The following BBOX1 variants were observed in gnomAD, a reference collection of about 807,000 sequenced individuals.
BBOX1 encodes the protein gamma-butyrobetaine hydroxylase 1, also known as gamma-butyrobetaine dioxygenase.
Under a neutral mutation model 41.6 loss-of-function variants are expected in BBOX1, and 35 were observed. The ratio of observed to expected loss-of-function variants is 0.84; its 90% CI spans 0.64 to 1.11. BBOX1 has a LOEUF of 1.11. Among genes scored for constraint, BBOX1 ranks in the 50% most tolerant of loss-of-function variants. The probability of loss-of-function intolerance (pLI) is 0.00; values close to 1 mark genes in which losing one functional copy is unlikely to be tolerated. For missense variants in BBOX1, 458 were observed against 460.6 expected (o/e 0.99, Z 0.05); for synonymous variants, 163 against 154.7 (o/e 1.05, Z -0.40).
At chr11:27,067,410 A>C (rs775675082) in intron 4 of BBOX1, among the ~76,000 whole-genome samples, 3 of 151,770 alleles carry the variant, frequency 2.0e-5, no homozygotes, top group Non-Finnish European at 4.4e-5. Context: ...AGTCCATTAT[A>C]CCACCACTCT....
rs1385006806 is a variant in BBOX1, at chr11:27,069,822, A to G, written c.334+12507A>G. Among the ~76,000 whole-genome samples the G allele has an allele frequency of 3.3e-5, 5 of 152,166 alleles. No individual in the cohort carries two copies. In the South Asian group the frequency reaches 8.3e-4, roughly 25 times the overall value. On this transcript the variant is annotated intron_variant, in intron 4 of 8. Transcript: ENST00000263182. ...TTTGAGGTACGTTCCTTCAATGCCT[A>G]GTTCATTAGTGGGGGTTACCTAAAG...
chr11:27,101,459 C>T (rs1047693764), intron 5 of BBOX1, among the ~76,000 whole-genome samples: 1 of 152,038 alleles, frequency 6.6e-6, no homozygotes, highest in Non-Finnish European at 1.5e-5. Flanking sequence ...AAAAAGAACC[C>T]TACTAAATAT....
chr11:27,046,767 A>G (rs944190747), intron 2 of BBOX1, among the ~76,000 whole-genome samples: 18 of 152,250 alleles, frequency 1.2e-4, no homozygotes, highest in African/African-American at 3.1e-4. Context: ...AGAGTAGCTT[A>G]TCATCTAACT....
intron 5 of BBOX1, among the ~76,000 whole-genome samples, chr11:27,106,012 A>G (rs1462084373): frequency 6.6e-6 from 1 of 152,154 alleles, no homozygotes; most frequent in East Asian, 1.9e-4. Flanking sequence ...GTGAAGGAGA[A>G]ATAAAATAAT....
chr11:27,116,519 A>G (rs933086918), intron 6 of BBOX1, among the ~76,000 whole-genome samples: 3 of 152,088 alleles, frequency 2.0e-5, no homozygotes, highest in African/African-American at 7.2e-5. Flanking sequence ...GGCTTAAGAA[A>G]ACATCCATTT....
rs145836693 is a variant in BBOX1, at chr11:27,098,205, C to G, written c.533+4839C>G. 4.9e-4 allele frequency among the ~76,000 whole-genome samples: 75 copies of G among 152,110 alleles called. No individual in the cohort carries two copies. In the East Asian group the frequency reaches 0.012, roughly 25 times the overall value. On this transcript the variant is annotated intron_variant, in intron 5 of 8. Coordinates refer to ENST00000263182, the MANE Select transcript of BBOX1 (RefSeq NM_003986.3). ...TTGACTTACTAACATTTTTCCTCTT[C>G]CCTTCCAACCACCACACCTGCTACA... is the stretch of plus-strand genomic sequence containing the variant.
intron 4 of BBOX1, among the ~76,000 whole-genome samples, chr11:27,074,407 G>A (rs1857568199): frequency 1.3e-5 from 2 of 152,062 alleles, no homozygotes; most frequent in Non-Finnish European, 2.9e-5. Flanking sequence ...ACAGGAAGAT[G>A]TGGGAAAGTT....
chr11:27,064,904 AT>A (rs34399289), intron 4 of BBOX1, among the ~76,000 whole-genome samples: 45,500 of 145,230 alleles, frequency 0.31, 7,056 homozygotes, highest in East Asian at 0.48. Flanking sequence ...GGTGTCAGAC[AT>A]GAAAAAAAAA....
At chr11:27,057,824 G>A (rs550158505) in intron 4 of BBOX1, among the ~76,000 whole-genome samples, 2 of 151,896 alleles carry the variant, frequency 1.3e-5, no homozygotes, top group African/African-American at 2.4e-5. Flanking sequence ...ACACACACAT[G>A]CACACAAAGC....
intron 4 of BBOX1, among the ~76,000 whole-genome samples, chr11:27,078,396 T>C (rs1900063): frequency 1 from 152,098 of 152,246 alleles, 75,975 homozygotes; most frequent in Middle Eastern, 1. Flanking sequence ...AATGTATACA[T>C]GTACCATAGT....
intron 4 of BBOX1, among the ~76,000 whole-genome samples, chr11:27,072,080 T>G (rs981040997): frequency 1.3e-5 from 2 of 152,026 alleles, no homozygotes; most frequent in Non-Finnish European, 2.9e-5. Flanking sequence ...AGGGCATCGG[T>G]CAAGAGAAAG....
chr11:27,052,009 A>AT (rs1851685147), intron 2 of BBOX1, among the ~76,000 whole-genome samples: 1 of 152,006 alleles, frequency 6.6e-6, no homozygotes, highest in Non-Finnish European at 1.5e-5. Context: ...GTCTCAAGAT[A>AT]TTTTTAATTT....
At chr11:27,125,956 A>G (rs183821685) in intron 8 of BBOX1, 136 bp downstream of exon 8, 2 of 901,700 alleles carry the variant, frequency 2.2e-6, no homozygotes, top group Admixed American at 2.8e-5. Flanking sequence ...TGAGCAACTG[A>G]CTTGCTTATG....
At chr11:27,086,327 A>G (rs999568488) in intron 4 of BBOX1, among the ~76,000 whole-genome samples, 2 of 152,098 alleles carry the variant, frequency 1.3e-5, no homozygotes, top group Admixed American at 6.6e-5. Flanking sequence ...TTAGGGACCA[A>G]TACAGCTATT....
At chr11:27,057,944 G>A (rs1232301544) in intron 4 of BBOX1, among the ~76,000 whole-genome samples, 1 of 152,064 alleles carries the variant, frequency 6.6e-6, no homozygotes, top group East Asian at 1.9e-4. Flanking sequence ...CTTTATTGCT[G>A]AGCAAAGAAG....
chr11:27,064,065 C>G (rs916227698), intron 4 of BBOX1, among the ~76,000 whole-genome samples: 1 of 152,126 alleles, frequency 6.6e-6, no homozygotes, highest in African/African-American at 2.4e-5. Flanking sequence ...ATATTTTGCC[C>G]CCATCTCTAA....
rs1857993001 is a variant in BBOX1 at position 27,085,332 on chromosome 11, A to G, written c.335-7836A>G. On this transcript the variant is annotated intron_variant, in intron 4 of 8. Transcript: ENST00000263182. ...AGCAAGTCTATCAGCACATTTTTCC[A>G]ACAGCATGTACTCACTTTTTGCCTC... Among the ~76,000 whole-genome samples, 3 of 152,272 alleles carry G rather than the reference A, an allele frequency of 2.0e-5. No individual in the cohort carries two copies. The South Asian group carries it at 6.2e-4, about 32-fold the overall frequency.
intron 4 of BBOX1, among the ~76,000 whole-genome samples, chr11:27,073,365 C>T (rs928116363): frequency 6.6e-6 from 1 of 152,076 alleles, no homozygotes; most frequent in African/African-American, 2.4e-5. Context: ...CAATGAGATA[C>T]CATCTCACAC....
At chr11:27,071,675 A>C (rs1857456143) in intron 4 of BBOX1, among the ~76,000 whole-genome samples, 1 of 152,168 alleles carries the variant, frequency 6.6e-6, no homozygotes, top group Non-Finnish European at 1.5e-5. Flanking sequence ...TCCTCAATAA[A>C]ATACTGGCAA....
Sources: gnomAD v4.1 joint callset for allele counts (sites outside exome capture counted in the v4.1 genomes callset) on GRCh38, gnomAD v4.1.1 for gene constraint, MANE v1.5 for transcripts, NCBI Gene and HGNC (gene_info 2026-07-23, HGNC 2026-07-21) for gene names.